The following ERC1 variants were observed in gnomAD, a reference collection of about 807,000 sequenced individuals.
ERC1 encodes ELKS/RAB6-interacting/CAST family member 1, also known as RAB6 interacting protein 2.
A neutral mutation model predicts 132.0 loss-of-function variants in ERC1; 56 were observed. That is an observed-to-expected ratio of 0.42 (90% CI 0.34 to 0.53). The LOEUF is 0.53. Among genes scored for constraint, ERC1 ranks in the 20% least tolerant of loss-of-function variants. ERC1 has a pLI of 0.03. For synonymous variants in ERC1, 478 were observed against 476.1 expected, an observed-to-expected ratio of 1.00 and a Z score of -0.05; for missense variants, 1,202 against 1,349.9, an observed-to-expected ratio of 0.89 and a Z score of 1.72.
intron 2 of ERC1, among the ~76,000 whole-genome samples, chr12:1,060,726 T>G (rs1259478682): frequency 0.023 from 25 of 1,102 alleles, no homozygotes; most frequent in African/African-American, 0.031. Flanking sequence ...CGTGGGAAAT[T>G]TTTTTTTTTT....
intron 13 of ERC1, among the ~76,000 whole-genome samples, chr12:1,243,194 A>G (rs1370541689): frequency 8.0e-6 from 1 of 125,468 alleles, no homozygotes; most frequent in Non-Finnish European, 1.6e-5. Context: ...ACTCCGTCTC[A>G]AAAAAAAAAA....
intron 17 of ERC1, among the ~76,000 whole-genome samples, chr12:1,412,298 C>T (rs1039259310): frequency 2.4e-4 from 36 of 152,320 alleles, no homozygotes; most frequent in Admixed American, 1.3e-3. Context: ...AACTTAAAAA[C>T]GTGTGTTTTG....
At chr12:1,384,875 A>G (rs975536242) in intron 16 of ERC1, among the ~76,000 whole-genome samples, 3 of 152,248 alleles carry the variant, frequency 2.0e-5, no homozygotes, top group Non-Finnish European at 4.4e-5. Flanking sequence ...GAAAATTACA[A>G]CCTACTAATG....
chr12:1,265,282 T>C (rs2077405316), intron 14 of ERC1, among the ~76,000 whole-genome samples: 1 of 152,080 alleles, frequency 6.6e-6, no homozygotes, highest in Admixed American at 6.5e-5. Flanking sequence ...GTATTAAACA[T>C]CAGAGATCAT....
chr12:997,219 A>G (rs1467104466), intron 1 of ERC1, among the ~76,000 whole-genome samples: 1 of 152,240 alleles, frequency 6.6e-6, no homozygotes, highest in East Asian at 1.9e-4. Flanking sequence ...TGGATTCACT[A>G]AGTCACATCA....
At chr12:1,363,656 A>G (rs79450559) in intron 15 of ERC1, among the ~76,000 whole-genome samples, 3,729 of 150,318 alleles carry the variant, frequency 0.025, 169 homozygotes, top group African/African-American at 0.088. Flanking sequence ...CTGGGCTCAA[A>G]GGATGCTCCC....
At chr12:1,488,093 G>C (rs183617049) in intron 18 of ERC1, among the ~76,000 whole-genome samples, 3 of 149,268 alleles carry the variant, frequency 2.0e-5, no homozygotes, top group Non-Finnish European at 4.4e-5. Context: ...AGCTGAGATC[G>C]CGCCACTGCA....
At chr12:1,384,910 C>T (rs982427198) in intron 16 of ERC1, among the ~76,000 whole-genome samples, 5 of 152,146 alleles carry the variant, frequency 3.3e-5, no homozygotes, top group African/African-American at 1.2e-4. Context: ...TATGGGTTCT[C>T]AGAAAATAAT....
At chr12:1,075,477 G>A (rs1231442723) in intron 2 of ERC1, among the ~76,000 whole-genome samples, 1 of 152,164 alleles carries the variant, frequency 6.6e-6, no homozygotes, top group Non-Finnish European at 1.5e-5. Flanking sequence ...TGGATCACAC[G>A]GTTAAGAGAT....
intron 12 of ERC1, chr12:1,190,321 A>C: frequency 4.1e-6 from 2 of 485,794 alleles, no homozygotes; most frequent in South Asian, 3.5e-5. Context: ...TTTAAAATTA[A>C]AGTTTTTTTT....
At chr12:1,052,227 A>G (rs747586903) in intron 2 of ERC1, among the ~76,000 whole-genome samples, 1 of 152,242 alleles carries the variant, frequency 6.6e-6, no homozygotes, top group Non-Finnish European at 1.5e-5. Flanking sequence ...GTCAGGGAAC[A>G]ACACTTGAAA....
chr12:1,257,608 G>A (rs1174748446), intron 13 of ERC1, among the ~76,000 whole-genome samples: 1 of 152,064 alleles, frequency 6.6e-6, no homozygotes, highest in Non-Finnish European at 1.5e-5. Context: ...TTTTGTTGGT[G>A]TTTATTACCT....
chr12:1,083,972 G>A (rs1035785593), intron 3 of ERC1, among the ~76,000 whole-genome samples: 4 of 152,190 alleles, frequency 2.6e-5, no homozygotes, highest in African/African-American at 9.7e-5. Flanking sequence ...AAGAGAGTAA[G>A]CGGTTATCTC....
chr12:1,344,873 A>G (rs1441628608), intron 15 of ERC1, among the ~76,000 whole-genome samples: 11 of 152,246 alleles, frequency 7.2e-5, no homozygotes, highest in Admixed American at 6.5e-4. Flanking sequence ...AGTAAGCGGC[A>G]CTGTCCAGCT....
chr12:1,037,369 T>A (rs750511861), intron 2 of ERC1, among the ~76,000 whole-genome samples: 5 of 152,216 alleles, frequency 3.3e-5, no homozygotes, highest in African/African-American at 4.8e-5. Flanking sequence ...TCCTCTTTAT[T>A]GTGCAAAAGA....
rs149616980 is a variant in ERC1 at position 1,357,474 on chromosome 12, A to G, written c.2781-14359A>G. ...TCAATAATTCTTAAAACAGACATCTAAATAAGCAGAAGCATTCTGGAGTTT... is the reference window on the plus strand; with the variant it reads ...TCAATAATTCTTAAAACAGACATCTGAATAAGCAGAAGCATTCTGGAGTTT... On this transcript the variant is annotated intron_variant, in intron 15 of 18. Transcript: ENST00000360905. Among the ~76,000 whole-genome samples, 11 of 152,338 alleles carry G rather than the reference A, an allele frequency of 7.2e-5. No individual in the cohort carries two copies. The East Asian group carries it at 1.5e-3, about 21-fold the overall frequency.
At chr12:1,167,545 A>G (rs1241730551) in intron 8 of ERC1, among the ~76,000 whole-genome samples, 1 of 152,102 alleles carries the variant, frequency 6.6e-6, no homozygotes, top group Non-Finnish European at 1.5e-5. Context: ...AGAATCAGAC[A>G]TCTATTTTGT....
intron 7 of ERC1, among the ~76,000 whole-genome samples, chr12:1,120,059 C>G (rs1303515473): frequency 6.6e-6 from 1 of 152,032 alleles, no homozygotes; most frequent in Non-Finnish European, 1.5e-5. Context: ...TTGATCATAG[C>G]TCACTGTAAC....
intron 14 of ERC1, among the ~76,000 whole-genome samples, chr12:1,281,366 A>G (rs1210264482): frequency 6.6e-6 from 1 of 152,230 alleles, no homozygotes; most frequent in Non-Finnish European, 1.5e-5. Flanking sequence ...AGAAATTATC[A>G]GAGCTCAGAG....
Sources: gnomAD v4.1 joint callset for allele counts (sites outside exome capture counted in the v4.1 genomes callset) on GRCh38, gnomAD v4.1.1 for gene constraint, MANE v1.5 for transcripts, NCBI Gene and HGNC (gene_info 2026-07-23, HGNC 2026-07-21) for gene names.